ERBB4: variants seen among roughly 807,000 people sequenced by gnomAD.
ERBB4 encodes the protein erb-b2 receptor tyrosine kinase 4.
ERBB4 carries 42 observed loss-of-function variants against 158.0 expected under a neutral mutation model. The observed-to-expected ratio is 0.27, with a 90% CI of 0.21 to 0.34. The LOEUF (loss-of-function observed/expected upper bound fraction) is 0.34. Among genes scored for constraint, ERBB4 ranks in the 10% least tolerant of loss-of-function variants. The pLI, the probability that ERBB4 is intolerant of heterozygous loss-of-function variation, is 1.00. For missense variants in ERBB4, 1,333 were observed against 1,624.1 expected, an observed-to-expected ratio of 0.82 and a Z score of 3.08; for synonymous variants, 583 against 558.7, an observed-to-expected ratio of 1.04 and a Z score of -0.61.
chr2:211,906,548 A>G (rs945088698), intron 3 of ERBB4, among the ~76,000 whole-genome samples: 1 of 151,982 alleles, frequency 6.6e-6, no homozygotes, highest in Non-Finnish European at 1.5e-5. Flanking sequence ...ATAGATAGAT[A>G]TCATAAATAT....
At chr2:212,115,899 A>G (rs563972526) in intron 2 of ERBB4, among the ~76,000 whole-genome samples, 1 of 152,150 alleles carries the variant, frequency 6.6e-6, no homozygotes, top group African/African-American at 2.4e-5. Context: ...GCCCAGAGGT[A>G]TAAAGAAACA....
intron 1 of ERBB4, among the ~76,000 whole-genome samples, chr2:212,333,394 T>TC (rs2088275117): frequency 1.3e-5 from 2 of 151,784 alleles, no homozygotes; most frequent in Non-Finnish European, 2.9e-5. Context: ...TATATATATT[T>TC]CAGGCTGGAC....
chr2:211,739,074 A>G (rs1452354437), intron 5 of ERBB4, among the ~76,000 whole-genome samples: 1 of 152,040 alleles, frequency 6.6e-6, no homozygotes, highest in Non-Finnish European at 1.5e-5. Context: ...TAAATTTTTA[A>G]TCTATAATTC....
At chr2:212,341,200 C>T (rs980068018) in intron 1 of ERBB4, among the ~76,000 whole-genome samples, 2 of 151,302 alleles carry the variant, frequency 1.3e-5, no homozygotes, top group Non-Finnish European at 2.9e-5. Flanking sequence ...ATGTATATGC[C>T]AAAATATTTG....
At chr2:211,761,179 G>A (rs1317870225) in intron 4 of ERBB4, among the ~76,000 whole-genome samples, 2 of 134,166 alleles carry the variant, frequency 1.5e-5, no homozygotes, top group African/African-American at 2.8e-5. Flanking sequence ...TGGCGACAGG[G>A]TGAGATTCCT....
At position 211,697,360 on chromosome 2, in the gene ERBB4, T is replaced by C. The variant is rs140425425; in HGVS notation, c.1489+4607A>G. Among the ~76,000 whole-genome samples the C allele has an allele frequency of 2.6e-3, 396 of 152,290 alleles. 2 individuals carry two copies. The highest frequency in any genetic ancestry group is 9.1e-3 in the South Asian group (44 of 4,822). Reference sequence around the variant, plus strand: ...AAAAATTTCAATATTGTTTTTAAAGTACTAGATGAAAAGAATTGTCTAAAA... The same window carrying C: ...AAAAATTTCAATATTGTTTTTAAAGCACTAGATGAAAAGAATTGTCTAAAA... On this transcript the variant is annotated intron_variant, in intron 12 of 27. Coordinates refer to ENST00000342788, the MANE Select transcript of ERBB4 (RefSeq NM_005235.3).
chr2:211,811,199 G>A (rs1446966999), intron 3 of ERBB4, among the ~76,000 whole-genome samples: 1 of 152,144 alleles, frequency 6.6e-6, no homozygotes, highest in Non-Finnish European at 1.5e-5. Flanking sequence ...GCTCTTGTAA[G>A]ACAGGCCTGG....
At chr2:212,066,476 G>T (rs2077951136) in intron 2 of ERBB4, among the ~76,000 whole-genome samples, 1 of 151,914 alleles carries the variant, frequency 6.6e-6, no homozygotes, top group Admixed American at 6.6e-5. Flanking sequence ...AATTCTAAAA[G>T]AAACATTGTC....
chr2:211,401,344 ATTCACATTT>A lies in ERBB4; in HGVS notation c.3136-13361_3136-13353del, dbSNP rs943805461. On this transcript the variant is annotated intron_variant, in intron 25 of 27. Transcript: ENST00000342788. ...AGTCAATGGAACGCAAACATTAGAA[ATTCACATTT>A]TTTACAGAGTATAGGTTGGCATTGA... Among the ~76,000 whole-genome samples, 9 of 152,212 alleles carry A rather than the reference ATTCACATTT, an allele frequency of 5.9e-5. No individual in the cohort carries two copies. The East Asian group carries it at 1.7e-3, about 29-fold the overall frequency.
At chr2:212,391,602 C>A (rs1179789459) in intron 1 of ERBB4, among the ~76,000 whole-genome samples, 1 of 142,070 alleles carries the variant, frequency 7.0e-6, no homozygotes, top group Non-Finnish European at 1.5e-5. Context: ...TCCTGTACAG[C>A]AATGTGAATA....
chr2:211,733,335 C>T lies in ERBB4; in HGVS notation c.623-8141G>A, dbSNP rs139579999. On this transcript the variant is annotated intron_variant, in intron 5 of 27. Transcript: ENST00000342788. ...TTCAAAAAATAATATTGCCTTGTTA[C>T]GTTAACTATAAAAATATTCTTGAGA... Among the ~76,000 whole-genome samples the T allele has an allele frequency of 8.2e-4, 125 of 152,228 alleles. No individual in the cohort carries two copies. In the South Asian group the frequency reaches 0.015, roughly 19 times the overall value.
At chr2:212,449,878 A>G (rs2092420241) in intron 1 of ERBB4, among the ~76,000 whole-genome samples, 1 of 152,120 alleles carries the variant, frequency 6.6e-6, no homozygotes, top group Non-Finnish European at 1.5e-5. Flanking sequence ...GCCAAAATAG[A>G]CACTTATTGT....
chr2:211,647,514 C>G (rs775632475), intron 16 of ERBB4, among the ~76,000 whole-genome samples: 16 of 151,648 alleles, frequency 1.1e-4, no homozygotes, highest in Non-Finnish European at 1.9e-4. Flanking sequence ...TAGCACCCTT[C>G]TACTGTGAGA....
chr2:212,190,718 A>C (rs2082163954), intron 1 of ERBB4, among the ~76,000 whole-genome samples: 2 of 152,156 alleles, frequency 1.3e-5, no homozygotes, highest in African/African-American at 4.8e-5. Flanking sequence ...AAACCCTGTT[A>C]ATCTATTTCA....
intron 27 of ERBB4, 95 bp from the exon 28 acceptor site, chr2:211,384,155 C>A (rs551641308): frequency 1.2e-6 from 1 of 834,192 alleles, no homozygotes; most frequent in Admixed American, 2.3e-5. Context: ...TTGTCTAGAA[C>A]AAAAAAACCC....
chr2:211,721,171 G>C (rs1413051553), intron 7 of ERBB4, among the ~76,000 whole-genome samples: 2 of 152,096 alleles, frequency 1.3e-5, no homozygotes, highest in East Asian at 3.9e-4. Context: ...TTTTGACTGT[G>C]ACCTATCACA....
At chr2:211,441,892 A>G (rs1287975439) in intron 20 of ERBB4, among the ~76,000 whole-genome samples, 1 of 152,190 alleles carries the variant, frequency 6.6e-6, no homozygotes, top group South Asian at 2.1e-4. Flanking sequence ...TACTCATTCC[A>G]TAAAGGCTCA....
chr2:211,811,954 T>C (rs530906568), intron 3 of ERBB4, among the ~76,000 whole-genome samples: 1 of 152,310 alleles, frequency 6.6e-6, no homozygotes, highest in South Asian at 2.1e-4. Context: ...GTTAGCTTCC[T>C]TGTGATGGGT....
At chr2:212,244,381 G>A (rs2084234529) in intron 1 of ERBB4, among the ~76,000 whole-genome samples, 1 of 152,052 alleles carries the variant, frequency 6.6e-6, no homozygotes, top group African/African-American at 2.4e-5. Context: ...CATGACAGGA[G>A]CATTCTGACA....
Sources: allele counts gnomAD v4.1 joint callset (sites outside exome capture counted in the v4.1 genomes callset), GRCh38; gene constraint gnomAD v4.1.1; transcripts MANE v1.5; gene names NCBI Gene and HGNC (gene_info 2026-07-23, HGNC 2026-07-21).